NCAM2: variants seen among roughly 807,000 people sequenced by gnomAD.
NCAM2 encodes the protein neural cell adhesion molecule 2.
NCAM2 carries 30 observed loss-of-function variants against 98.1 expected under a neutral mutation model. That is an observed-to-expected ratio of 0.31 (90% CI 0.23 to 0.41). The LOEUF is 0.41. Among genes scored for constraint, NCAM2 ranks in the 10% least tolerant of loss-of-function variants. The pLI, the probability that NCAM2 is intolerant of heterozygous loss-of-function variation, is 1.00. For missense variants in NCAM2, 867 were observed against 1,005.8 expected (o/e 0.86, Z 1.87); for synonymous variants, 368 against 342.4 (o/e 1.07, Z -0.83).
At chr21:21,369,821 A>G (rs1314996883) in intron 8 of NCAM2, among the ~76,000 whole-genome samples, 1 of 151,380 alleles carries the variant, frequency 6.6e-6, no homozygotes, top group African/African-American at 2.4e-5. Flanking sequence ...ATTTAATTTG[A>G]TAGTTCCAGT....
At chr21:21,195,761 G>A (rs2068981828) in intron 1 of NCAM2, among the ~76,000 whole-genome samples, 1 of 152,154 alleles carries the variant, frequency 6.6e-6, no homozygotes, top group African/African-American at 2.4e-5. Context: ...AGACATGATT[G>A]CTGTAGCTGT....
chr21:21,494,186 TTAGG>T (rs1486001291), intron 15 of NCAM2, among the ~76,000 whole-genome samples: 1 of 151,914 alleles, frequency 6.6e-6, no homozygotes, highest in South Asian at 2.1e-4. Context: ...TTATAAATAG[TTAGG>T]AATTTTATAT....
In NCAM2 at chr21:21,150,804, TA is replaced by T. The variant is rs1412548782; in HGVS notation, c.56-129773del. ...TCTGCATTTGGTATAAAGATAATGA[TA>T]TTTTTATAAAATTAATTGGGAAGTG... On this transcript the variant is annotated intron_variant, in intron 1 of 17. Transcript: ENST00000400546. 2.6e-5 allele frequency among the ~76,000 whole-genome samples: 4 copies of T among 151,910 alleles called. No homozygotes were observed. The East Asian group carries it at 5.8e-4, about 22-fold the overall frequency.
chr21:21,243,189 AC>A (rs1224012424), intron 1 of NCAM2, among the ~76,000 whole-genome samples: 1 of 152,146 alleles, frequency 6.6e-6, no homozygotes, highest in Non-Finnish European at 1.5e-5. Flanking sequence ...GTTGCATGAA[AC>A]TCAGAGGTTT....
At chr21:21,252,891 T>C (rs73318613) in intron 1 of NCAM2, among the ~76,000 whole-genome samples, 1 of 152,150 alleles carries the variant, frequency 6.6e-6, no homozygotes, top group Admixed American at 6.5e-5. Flanking sequence ...ATGTCTCACA[T>C]ATATATTGAT....
chr21:21,087,528 A>G (rs954850829), intron 1 of NCAM2, among the ~76,000 whole-genome samples: 1 of 152,090 alleles, frequency 6.6e-6, no homozygotes, highest in African/African-American at 2.4e-5. Flanking sequence ...TTCTAGTGCT[A>G]TCTCTGGTCC....
intron 1 of NCAM2, among the ~76,000 whole-genome samples, chr21:21,070,704 G>A (rs1240241198): frequency 6.6e-6 from 1 of 152,076 alleles, no homozygotes; most frequent in Non-Finnish European, 1.5e-5. Context: ...GAGTTGCTGG[G>A]TGAGCAGAAT....
At chr21:21,262,944 C>T (rs547391761) in intron 1 of NCAM2, among the ~76,000 whole-genome samples, 2 of 152,200 alleles carry the variant, frequency 1.3e-5, no homozygotes, top group South Asian at 2.1e-4. Context: ...GTCATGAGAA[C>T]AGCATGGGAA....
intron 1 of NCAM2, among the ~76,000 whole-genome samples, chr21:21,028,171 T>A (rs913014378): frequency 6.6e-6 from 1 of 152,206 alleles, no homozygotes; most frequent in Non-Finnish European, 1.5e-5. Context: ...CCTTGTTTCT[T>A]AAGTTTTAAG....
At chr21:21,409,516 T>C (rs1299505760) in intron 9 of NCAM2, among the ~76,000 whole-genome samples, 1 of 152,284 alleles carries the variant, frequency 6.6e-6, no homozygotes, top group East Asian at 1.9e-4. Flanking sequence ...GTCTTCAAAA[T>C]AATTTATAGA....
At chr21:21,007,968 A>T (rs935906365) in intron 1 of NCAM2, among the ~76,000 whole-genome samples, 2 of 152,108 alleles carry the variant, frequency 1.3e-5, no homozygotes, top group African/African-American at 4.8e-5. Context: ...TTTTATATCC[A>T]TTCTCTCACT....
intron 1 of NCAM2, among the ~76,000 whole-genome samples, chr21:21,254,949 ATG>A (rs58330278): frequency 0.34 from 50,855 of 148,068 alleles, 9,840 homozygotes; most frequent in Non-Finnish European, 0.45. Flanking sequence ...TAGCATATCT[ATG>A]TGTGTGTGTG....
intron 16 of NCAM2, among the ~76,000 whole-genome samples, chr21:21,533,884 G>T (rs551156140): frequency 6.6e-6 from 1 of 151,826 alleles, no homozygotes; most frequent in African/African-American, 2.4e-5. Flanking sequence ...GACATTGGAG[G>T]ATGAAGTTAT....
At chr21:21,331,115 T>C (rs1174734789) in intron 6 of NCAM2, among the ~76,000 whole-genome samples, 1 of 152,034 alleles carries the variant, frequency 6.6e-6, no homozygotes, top group African/African-American at 2.4e-5. Flanking sequence ...ATCATACCTA[T>C]ATTTTGTAAC....
intron 1 of NCAM2, among the ~76,000 whole-genome samples, chr21:21,276,201 T>G (rs939857409): frequency 2.4e-4 from 36 of 152,244 alleles, no homozygotes; most frequent in African/African-American, 8.4e-4. Flanking sequence ...TTTCATAATT[T>G]TATGTACCCC....
chr21:21,025,462 T>C (rs569419826), intron 1 of NCAM2, among the ~76,000 whole-genome samples: 2 of 152,304 alleles, frequency 1.3e-5, no homozygotes, highest in Non-Finnish European at 2.9e-5. Context: ...ATAGTGAGTG[T>C]CCCACTGTTT....
At chr21:21,464,722 C>A (rs550644891) in intron 12 of NCAM2, among the ~76,000 whole-genome samples, 1 of 152,244 alleles carries the variant, frequency 6.6e-6, no homozygotes, top group Non-Finnish European at 1.5e-5. Context: ...ATTCCATAAT[C>A]TATATAAACA....
intron 12 of NCAM2, among the ~76,000 whole-genome samples, chr21:21,450,913 G>T (rs1366191219): frequency 6.6e-6 from 1 of 151,466 alleles, no homozygotes; most frequent in African/African-American, 2.4e-5. Flanking sequence ...GTTACACACA[G>T]GTTAAATGCT....
intron 4 of NCAM2, among the ~76,000 whole-genome samples, chr21:21,288,313 A>G (rs1267521694): frequency 6.6e-6 from 1 of 151,944 alleles, no homozygotes; most frequent in African/African-American, 2.4e-5. Flanking sequence ...GTGAATGAAT[A>G]AAATATATGG....
Sources: allele counts gnomAD v4.1 joint callset (sites outside exome capture counted in the v4.1 genomes callset), GRCh38; gene constraint gnomAD v4.1.1; transcripts MANE v1.5; gene names NCBI Gene and HGNC (gene_info 2026-07-23, HGNC 2026-07-21).